OPCML: variants seen among roughly 807,000 people sequenced by gnomAD.
OPCML encodes opioid binding protein/cell adhesion molecule like, also known as opioid-binding protein/cell adhesion molecule.
In OPCML, 13 loss-of-function variants were observed where a neutral mutation model predicts 37.8. The ratio of observed to expected loss-of-function variants is 0.34; its 90% CI spans 0.22 to 0.55. OPCML has a LOEUF of 0.55. Ranked by LOEUF, OPCML falls within the 20% of genes least tolerant of loss-of-function variation. The pLI, the probability that OPCML is intolerant of heterozygous loss-of-function variation, is 0.91. For synonymous variants in OPCML, 176 were observed against 168.8 expected, an observed-to-expected ratio of 1.04 and a Z score of -0.33; for missense variants, 341 against 435.6, an observed-to-expected ratio of 0.78 and a Z score of 1.93.
At chr11:133,494,270 G>C (rs953765999) in intron 1 of OPCML, among the ~76,000 whole-genome samples, 1 of 151,886 alleles carries the variant, frequency 6.6e-6, no homozygotes, top group Non-Finnish European at 1.5e-5. Flanking sequence ...TACACTGTTG[G>C]TGGGACTGTA....
intron 2 of OPCML, among the ~76,000 whole-genome samples, chr11:132,826,167 T>C (rs1426699021): frequency 6.6e-6 from 1 of 152,184 alleles, no homozygotes; most frequent in Non-Finnish European, 1.5e-5. Flanking sequence ...TGCTTTTCTG[T>C]GTGCTTCTAC....
chr11:133,284,117 T>A (rs1442151333), intron 1 of OPCML, among the ~76,000 whole-genome samples: 5 of 152,188 alleles, frequency 3.3e-5, no homozygotes, highest in African/African-American at 1.2e-4. Flanking sequence ...GAATATTTCA[T>A]GTCTTTATGT....
At chr11:132,490,183 C>T (rs1168343690) in intron 4 of OPCML, among the ~76,000 whole-genome samples, 1 of 151,838 alleles carries the variant, frequency 6.6e-6, no homozygotes, top group East Asian at 2.0e-4. Context: ...TGACTGTGCC[C>T]TCTTCTCACC....
At chr11:133,295,710 T>A (rs56205293) in intron 1 of OPCML, among the ~76,000 whole-genome samples, 27,667 of 152,228 alleles carry the variant, frequency 0.18, 2,711 homozygotes, top group South Asian at 0.32. Context: ...TGTTCCTTGC[T>A]TCTGAGCTAT....
chr11:133,042,310 C>T (rs189745949), intron 1 of OPCML, among the ~76,000 whole-genome samples: 2 of 152,056 alleles, frequency 1.3e-5, no homozygotes, highest in Admixed American at 1.3e-4. Flanking sequence ...CTCGTGTGTA[C>T]GGAGTGAAGA....
At position 133,173,918 on chromosome 11, in the gene OPCML, C is replaced by T. The variant is rs750827156; in HGVS notation, c.62-230908G>A. On this transcript the variant is annotated intron_variant, in intron 1 of 7. Transcript: ENST00000524381. The surrounding 1 kb of genome is among the most constrained non-coding windows in gnomAD (Gnocchi z 7.8). ...TGAAGATTGGACCGGGGCCGGCCGG[C>T]ACTGGAGCAGCCCTCTCCCTCCATC... 2.4e-4 allele frequency among the ~76,000 whole-genome samples: 37 copies of T among 152,166 alleles called. No homozygotes were observed. The highest frequency in any genetic ancestry group is 3.3e-4 in the Admixed American group (5 of 15,276).
rs141041724 is a variant in OPCML at position 132,807,590 on chromosome 11, A to G, written c.146+135336T>C. Among the ~76,000 whole-genome samples, 246 of 152,316 alleles carry G rather than the reference A, an allele frequency of 1.6e-3. 3 individuals carry two copies. The highest frequency in any genetic ancestry group is 0.013 in the South Asian group (63 of 4,822). On this transcript the variant is annotated intron_variant, in intron 2 of 7. Transcript: ENST00000524381. ...GGGGCTGGCCAAGAAGCAGCTCTTA[A>G]AGTGCTGTGGATTCCTCTCCCTCCA...
At position 132,657,291 on chromosome 11, in the gene OPCML, C is replaced by G; in HGVS notation, c.175G>C (p.Val59Leu). Residue 59 changes from valine (V) to leucine (L), a missense_variant, in exon 3 of 8, where the codon GTG becomes CTG. By Grantham distance (32) the Val-to-Leu change is conservative. Transcript: ENST00000524381. ...ATGGTGCTGCGGTTTAGCCAGGCCA[C>G]CCGGGTTACCCGGTCATCTATGGTA... ...RCTIDDRVTR[V>L]AWLNRSTILY... is the part of the protein sequence containing the mutation. 6.2e-7 allele frequency: 1 copy of G among 1,614,186 alleles called. No individual in the cohort carries two copies. Among genetic ancestry groups the G allele is most frequent in the Non-Finnish European group, 8.5e-7 (1 of 1,180,028 alleles).
chr11:133,084,290 A>T (rs1453650479), intron 1 of OPCML, among the ~76,000 whole-genome samples: 1 of 152,146 alleles, frequency 6.6e-6, no homozygotes, highest in Non-Finnish European at 1.5e-5. Flanking sequence ...GGCCTTGCAC[A>T]CCCTGCGCAC....
intron 1 of OPCML, among the ~76,000 whole-genome samples, chr11:133,351,217 T>C (rs1944129883): frequency 6.6e-6 from 1 of 152,186 alleles, no homozygotes; most frequent in Non-Finnish European, 1.5e-5. Context: ...TAAGTGTAAT[T>C]AGGAGTGGAT....
intron 1 of OPCML, among the ~76,000 whole-genome samples, chr11:133,510,484 T>C (rs1410428461): frequency 2.0e-5 from 3 of 152,226 alleles, no homozygotes; most frequent in Non-Finnish European, 4.4e-5. Flanking sequence ...TGCAAATCGT[T>C]TGTGGGCATA....
intron 2 of OPCML, among the ~76,000 whole-genome samples, chr11:132,938,100 G>A (rs1448232225): frequency 6.6e-6 from 1 of 151,986 alleles, no homozygotes; most frequent in Non-Finnish European, 1.5e-5. Context: ...TTAGATATAA[G>A]GGTTTCATTG....
intron 1 of OPCML, among the ~76,000 whole-genome samples, chr11:133,245,394 A>G (rs571975258): frequency 6.6e-5 from 10 of 152,210 alleles, no homozygotes; most frequent in Non-Finnish European, 1.3e-4. Context: ...CTATTCCTTT[A>G]TCGCAAACCA....
intron 7 of OPCML, among the ~76,000 whole-genome samples, chr11:132,435,411 T>A (rs747678902): frequency 6.6e-6 from 1 of 152,210 alleles, no homozygotes; most frequent in Non-Finnish European, 1.5e-5. Context: ...CAAATACATA[T>A]GCACATACAG....
At chr11:133,239,866 T>C (rs953371007) in intron 1 of OPCML, among the ~76,000 whole-genome samples, 3 of 152,160 alleles carry the variant, frequency 2.0e-5, no homozygotes, top group Admixed American at 1.3e-4. Flanking sequence ...GGGCTGGGTG[T>C]GTGTGCTCGC....
At chr11:133,330,587 C>CA (rs1400087805) in intron 1 of OPCML, among the ~76,000 whole-genome samples, 4 of 151,038 alleles carry the variant, frequency 2.6e-5, no homozygotes, top group Middle Eastern at 3.4e-3. Context: ...ATTGCAGGGA[C>CA]AAAAAACCAA....
In OPCML at chr11:133,177,076, A is replaced by G. The variant is rs1175759716; in HGVS notation, c.62-234066T>C. The stretch of plus-strand genomic sequence containing the variant: ...CAAGTTGCTCAGCACCTTCAGAGCA[A>G]TGGTCCAAGGGCCAGGTGTCACCAC... On this transcript the variant is annotated intron_variant, in intron 1 of 7. Coordinates refer to ENST00000524381, the MANE Select transcript of OPCML (RefSeq NM_001012393.5). This position sits in a 1 kb window ranked among gnomAD's most constrained non-coding sequence, Gnocchi z 5.0. 2.0e-5 allele frequency among the ~76,000 whole-genome samples: 3 copies of G among 152,192 alleles called. No individual in the cohort carries two copies. Among genetic ancestry groups the G allele is most frequent in the African/African-American group, 4.8e-5 (2 of 41,452 alleles).
chr11:133,498,067 G>T (rs1947823492), intron 1 of OPCML, among the ~76,000 whole-genome samples: 1 of 152,198 alleles, frequency 6.6e-6, no homozygotes, highest in Non-Finnish European at 1.5e-5. Context: ...TGAGGGCCGG[G>T]GGCCAAGGCA....
At chr11:133,443,005 T>C (rs576437648) in intron 1 of OPCML, among the ~76,000 whole-genome samples, 262 of 152,272 alleles carry the variant, frequency 1.7e-3, no homozygotes, top group Non-Finnish European at 2.9e-3. Context: ...AAGATATTCA[T>C]GTAATATTTG....
Sources: allele counts gnomAD v4.1 joint callset (sites outside exome capture counted in the v4.1 genomes callset), GRCh38; gene constraint gnomAD v4.1.1; non-coding constraint Gnocchi (gnomAD v3.1); transcripts MANE v1.5; gene names NCBI Gene and HGNC (gene_info 2026-07-23, HGNC 2026-07-21).